PDHX: variants seen among roughly 807,000 people sequenced by gnomAD.
PDHX encodes pyruvate dehydrogenase protein X component, mitochondrial.
A neutral mutation model predicts 55.3 loss-of-function variants in PDHX; 33 were observed. That is an observed-to-expected ratio of 0.60 (90% confidence interval 0.45 to 0.80). The LOEUF is 0.80. Among genes scored for constraint, PDHX ranks in the 30% least tolerant of loss-of-function variants. The pLI is 0.00. For synonymous variants in PDHX, 226 were observed against 219.4 expected, an observed-to-expected ratio of 1.03 and a Z score of -0.27; for missense variants, 622 against 619.9, an observed-to-expected ratio of 1.00 and a Z score of -0.04.
At position 34,985,850 on chromosome 11, in the gene PDHX, C is replaced by T. The variant is rs1203487868; in HGVS notation, c.1182+1122C>T. On this transcript the variant is annotated intron_variant, in intron 9 of 10. Transcript: ENST00000227868. Reference sequence around the variant, plus strand: ...TCAAAAGAAATAAGTGCAAGTTAATCTGGTTTTAAAAGCATACCCATAAAT... The same window carrying T: ...TCAAAAGAAATAAGTGCAAGTTAATTTGGTTTTAAAAGCATACCCATAAAT... Among the ~76,000 whole-genome samples, 3 of 152,160 alleles carry T rather than the reference C, an allele frequency of 2.0e-5. No individual in the cohort carries two copies. In the East Asian group the frequency reaches 5.8e-4, roughly 29 times the overall value.
chr11:34,982,144 T>G lies in PDHX; in HGVS notation c.1024-2426T>G, dbSNP rs186475498. Among the ~76,000 whole-genome samples the G allele has an allele frequency of 9.5e-3, 1,454 of 152,304 alleles. 23 individuals carry two copies. Among genetic ancestry groups the G allele is most frequent in the African/African-American group, 0.033 (1,382 of 41,552 alleles). Reference sequence around the variant, plus strand: ...GTTTTTATGGTTTTAGGTCTAACATTTAAGTCTTTAATCCATCTTGAATTA... The same window carrying G: ...GTTTTTATGGTTTTAGGTCTAACATGTAAGTCTTTAATCCATCTTGAATTA... On this transcript the variant is annotated intron_variant, in intron 8 of 10. Transcript: ENST00000227868.
intron 3 of PDHX, among the ~76,000 whole-genome samples, chr11:34,956,808 A>G (rs12294397): frequency 0.1 from 15,327 of 152,202 alleles, 1,619 homozygotes; most frequent in African/African-American, 0.27. Flanking sequence ...ATACAGGGAA[A>G]TAATTAAATA....
chr11:34,984,268 A>G (rs1419719925), intron 8 of PDHX, among the ~76,000 whole-genome samples: 1 of 152,210 alleles, frequency 6.6e-6, no homozygotes, highest in Non-Finnish European at 1.5e-5. Context: ...ACAGACATTA[A>G]ATAACTTCTT....
At chr11:34,978,642 T>C (rs1044596292) in intron 8 of PDHX, among the ~76,000 whole-genome samples, 1 of 151,928 alleles carries the variant, frequency 6.6e-6, no homozygotes, top group Non-Finnish European at 1.5e-5. Flanking sequence ...GTGAGCCACA[T>C]AGGTATGTGG....
At chr11:34,943,160 C>T (rs564425811) in intron 2 of PDHX, among the ~76,000 whole-genome samples, 4 of 151,962 alleles carry the variant, frequency 2.6e-5, no homozygotes, top group Non-Finnish European at 4.4e-5. Flanking sequence ...GTGTCCTGTC[C>T]GTATTGTGAA....
chr11:34,924,031 T>G (rs1853959915), intron 1 of PDHX, among the ~76,000 whole-genome samples: 1 of 152,182 alleles, frequency 6.6e-6, no homozygotes, highest in Non-Finnish European at 1.5e-5. Context: ...AAGGAACCTG[T>G]GAATGCATCT....
chr11:34,916,202 C>G (rs1209573052), upstream of PDHX: 1 of 1,603,772 alleles, frequency 6.2e-7, no homozygotes, highest in East Asian at 2.2e-5. Context: ...CCTGGGAATA[C>G]CGGGCACCGG....
intron 2 of PDHX, among the ~76,000 whole-genome samples, chr11:34,942,909 AATAG>A (rs1854521656): frequency 6.6e-6 from 1 of 152,118 alleles, no homozygotes. Context: ...GTGTTATGTG[AATAG>A]ATATAGTTTT....
In PDHX at chr11:34,995,270, A is replaced by G. The variant is rs1855837571; in HGVS notation, c.*98A>G. The G allele has an allele frequency of 2.3e-6, 3 of 1,288,914 alleles. No individual in the cohort carries two copies. Among genetic ancestry groups the G allele is most frequent in the Admixed American group, 1.7e-5 (1 of 59,352 alleles). 79.8% of individuals were successfully genotyped at this position (1,288,914 alleles called of 1,614,324 possible). On this transcript the variant is annotated 3_prime_UTR_variant, in exon 11 of 11. Coordinates refer to ENST00000227868, the MANE Select transcript of PDHX (RefSeq NM_003477.3). ...AAAACAACTTGGTATTTAAGTATGA[A>G]GTGGATGAAATGTTTATTTATTTAA...
chr11:34,974,103 A>G (rs1223577014), intron 7 of PDHX, among the ~76,000 whole-genome samples: 2 of 152,164 alleles, frequency 1.3e-5, no homozygotes, highest in Non-Finnish European at 2.9e-5. Flanking sequence ...ATTGTTTGCA[A>G]CCATTGCCAC....
chr11:34,977,319 C>T (rs1855400681), intron 7 of PDHX, among the ~76,000 whole-genome samples: 4 of 152,158 alleles, frequency 2.6e-5, no homozygotes, highest in Admixed American at 2.6e-4. Flanking sequence ...TTTTCTAACA[C>T]TGTTATACCC....
At chr11:34,966,009 A>G (rs1855123397) in intron 5 of PDHX, among the ~76,000 whole-genome samples, 1 of 152,152 alleles carries the variant, frequency 6.6e-6, no homozygotes. Flanking sequence ...TACAAGACAA[A>G]AATACCTTTG....
At chr11:34,931,098 C>G (rs1854152075) in intron 1 of PDHX, among the ~76,000 whole-genome samples, 1 of 151,962 alleles carries the variant, frequency 6.6e-6, no homozygotes, top group Non-Finnish European at 1.5e-5. Flanking sequence ...TAAATCAATC[C>G]TAAATCAATT....
At chr11:34,918,920 T>C (rs1853808409) in intron 1 of PDHX, among the ~76,000 whole-genome samples, 1 of 152,328 alleles carries the variant, frequency 6.6e-6, no homozygotes, top group East Asian at 1.9e-4. Context: ...TACTCCCCTC[T>C]GCCTTCTGCC....
In PDHX at chr11:34,965,159, C is replaced by CA. The variant is rs1412280856; in HGVS notation, c.642-1478dup. Reference sequence around the variant, plus strand: ...ACTCATGGTCTCACAAGGCTGAAATCAAAGTGTTGGCCAAGGCTGGGGACT... The same window carrying CA: ...ACTCATGGTCTCACAAGGCTGAAATCAAAAGTGTTGGCCAAGGCTGGGGACT... On this transcript the variant is annotated intron_variant, in intron 5 of 10. Coordinates refer to ENST00000227868, the MANE Select transcript of PDHX (RefSeq NM_003477.3). Among the ~76,000 whole-genome samples, 10 of 152,264 alleles carry CA rather than the reference C, an allele frequency of 6.6e-5. No individual in the cohort carries two copies. In the East Asian group the frequency reaches 1.9e-3, roughly 29 times the overall value.
At chr11:34,953,551 T>C (rs1394481561) in intron 3 of PDHX, among the ~76,000 whole-genome samples, 1 of 152,222 alleles carries the variant, frequency 6.6e-6, no homozygotes, top group East Asian at 1.9e-4. Context: ...ATATTCCCCA[T>C]GAATCAAAAG....
chr11:34,944,364 C>A (rs1590741683), intron 2 of PDHX, among the ~76,000 whole-genome samples: 1 of 152,076 alleles, frequency 6.6e-6, no homozygotes, highest in East Asian at 1.9e-4. Flanking sequence ...AGGTGATCCA[C>A]CCACCTCGGC....
Position 34,947,360 on chromosome 11 carries a change from C to T in PDHX, c.242-146C>T, listed in dbSNP as rs538789014. On this transcript the variant is annotated intron_variant, in intron 2 of 10. Coordinates refer to ENST00000227868, the MANE Select transcript of PDHX (RefSeq NM_003477.3). ...ATACACACACACACACAAACACCCA[C>T]ACATAATGAGAATTACTTGTATTTC... The T allele has an allele frequency of 1.1e-5, 7 of 618,024 alleles. No individual in the cohort carries two copies. The East Asian group carries it at 1.7e-4, about 15-fold the overall frequency. The allele number at this position is 618,024 out of a possible 1,614,324, so 38.3% of individuals were successfully genotyped here. A position where few individuals can be genotyped will look rare whatever the true frequency, so the allele number is the denominator to read the frequency against.
At chr11:34,921,883 C>T (rs952885246) in intron 1 of PDHX, among the ~76,000 whole-genome samples, 1 of 152,156 alleles carries the variant, frequency 6.6e-6, no homozygotes, top group Admixed American at 6.5e-5. Flanking sequence ...ACTGAGCTCT[C>T]ACTATATTTG....
Sources: gnomAD v4.1 joint callset for allele counts (sites outside exome capture counted in the v4.1 genomes callset) on GRCh38, gnomAD v4.1.1 for gene constraint, MANE v1.5 for transcripts, NCBI Gene and HGNC (gene_info 2026-07-23, HGNC 2026-07-21) for gene names.